FMN2: variants seen among roughly 807,000 people sequenced by gnomAD.
FMN2 encodes the protein formin-2.
FMN2 carries 51 observed loss-of-function variants against 142.3 expected under a neutral mutation model. The ratio of observed to expected loss-of-function variants is 0.36; its 90% CI spans 0.29 to 0.45. FMN2 has a LOEUF of 0.45. Ranked by LOEUF, FMN2 falls within the 20% of genes least tolerant of loss-of-function variation. The pLI is 1.00. For missense variants in FMN2, 1,936 were observed against 2,122.8 expected (o/e 0.91, Z 1.73); for synonymous variants, 882 against 869.8 (o/e 1.01, Z -0.25).
chr1:240,216,241 A>G (rs1029012102), intron 6 of FMN2, among the ~76,000 whole-genome samples: 7 of 152,094 alleles, frequency 4.6e-5, no homozygotes, highest in Non-Finnish European at 8.8e-5. Context: ...ATCCCATGGT[A>G]AAAAAAAGAA....
chr1:240,452,958 G>A (rs1676110571), intron 16 of FMN2, among the ~76,000 whole-genome samples: 1 of 152,126 alleles, frequency 6.6e-6, no homozygotes, highest in Non-Finnish European at 1.5e-5. Context: ...TGTAGCAAGA[G>A]CACGTGCTTG....
chr1:240,468,206 A>ATGTGTGTGTGTGTGTGTG (rs199866888), intron 16 of FMN2, among the ~76,000 whole-genome samples: 2 of 147,876 alleles, frequency 1.4e-5, no homozygotes, highest in African/African-American at 5.0e-5. Context: ...ATATATATAT[A>ATGTGTGTGTGTGTGTGTG]TGTGTGTGTG....
chr1:240,328,630 C>T (rs941358920), intron 8 of FMN2, among the ~76,000 whole-genome samples: 3 of 151,626 alleles, frequency 2.0e-5, no homozygotes, highest in Admixed American at 1.3e-4. Flanking sequence ...TGCTCTGTCA[C>T]CCAGGCTGGA....
intron 7 of FMN2, among the ~76,000 whole-genome samples, chr1:240,280,575 A>G (rs1161444420): frequency 6.6e-6 from 1 of 152,184 alleles, no homozygotes; most frequent in Non-Finnish European, 1.5e-5. Context: ...CCTCTTTTAC[A>G]AGAGCATAAA....
chr1:240,241,201 T>A (rs1667883684), intron 6 of FMN2, among the ~76,000 whole-genome samples: 1 of 151,864 alleles, frequency 6.6e-6, no homozygotes, highest in Non-Finnish European at 1.5e-5. Flanking sequence ...TTGTTTGGAA[T>A]CACTTTGGTG....
At chr1:240,465,052 G>A (rs1476090996) in intron 16 of FMN2, among the ~76,000 whole-genome samples, 1 of 151,994 alleles carries the variant, frequency 6.6e-6, no homozygotes, top group Non-Finnish European at 1.5e-5. Context: ...TATATCTCAG[G>A]GGTTTTGTGG....
At chr1:240,176,465 A>G (rs1195612159) in intron 2 of FMN2, among the ~76,000 whole-genome samples, 1 of 152,222 alleles carries the variant, frequency 6.6e-6, no homozygotes, top group African/African-American at 2.4e-5. Flanking sequence ...TGTTGGCAAC[A>G]GGCAAAGAGA....
At chr1:240,434,367 A>T (rs1675281206) in intron 15 of FMN2, among the ~76,000 whole-genome samples, 1 of 151,898 alleles carries the variant, frequency 6.6e-6, no homozygotes, top group Non-Finnish European at 1.5e-5. Context: ...GATGGAATTT[A>T]CCCCTCCCAC....
chr1:240,339,400 A>G (rs1023498562), intron 13 of FMN2, among the ~76,000 whole-genome samples: 17 of 152,254 alleles, frequency 1.1e-4, no homozygotes, highest in African/African-American at 4.1e-4. Context: ...AGGTATGTGT[A>G]TATAGGAAAA....
chr1:240,180,519 T>A (rs1665103694), intron 3 of FMN2, among the ~76,000 whole-genome samples: 1 of 151,852 alleles, frequency 6.6e-6, no homozygotes, highest in Non-Finnish European at 1.5e-5. Context: ...TGCACATTCT[T>A]CTGTAGTGAC....
At chr1:240,398,985 C>G (rs1261951335) in intron 15 of FMN2, among the ~76,000 whole-genome samples, 1 of 152,020 alleles carries the variant, frequency 6.6e-6, no homozygotes, top group Non-Finnish European at 1.5e-5. Context: ...TTCTCGCTGT[C>G]TCCATGGATT....
chr1:240,364,166 C>G (rs1230462971), intron 14 of FMN2, among the ~76,000 whole-genome samples: 1 of 152,068 alleles, frequency 6.6e-6, no homozygotes. Context: ...TCAGAGGGCT[C>G]ATTGCTTGAC....
intron 6 of FMN2, among the ~76,000 whole-genome samples, chr1:240,242,146 G>A (rs111536908): frequency 7.9e-5 from 12 of 152,144 alleles, no homozygotes; most frequent in African/African-American, 2.9e-4. Flanking sequence ...CGCCCGGCTA[G>A]TGTGCCTTTC....
At chr1:240,188,954 C>T (rs1665591618) in intron 4 of FMN2, among the ~76,000 whole-genome samples, 1 of 152,048 alleles carries the variant, frequency 6.6e-6, no homozygotes, top group Non-Finnish European at 1.5e-5. Context: ...TCTCGTGAGA[C>T]CCATTCACTA....
chr1:240,377,902 AT>A (rs1340740679), intron 14 of FMN2, among the ~76,000 whole-genome samples: 1 of 152,010 alleles, frequency 6.6e-6, no homozygotes, highest in East Asian at 1.9e-4. Flanking sequence ...GTAATATAAC[AT>A]ATTCATAGCT....
chr1:240,187,269 C>CAAAAAAAAAAA (rs10610560), intron 3 of FMN2, among the ~76,000 whole-genome samples: 1 of 83,794 alleles, frequency 1.2e-5, no homozygotes, highest in Non-Finnish European at 2.3e-5. Context: ...AACTCCATCT[C>CAAAAAAAAAAA]AAAAAAAAAA....
chr1:240,274,711 G>A (rs1669134058), intron 7 of FMN2, among the ~76,000 whole-genome samples: 1 of 152,094 alleles, frequency 6.6e-6, no homozygotes, highest in South Asian at 2.1e-4. Flanking sequence ...GATGCTGGCG[G>A]CCAGGACCAG....
At chr1:240,446,526 G>C (rs1181649048) in intron 16 of FMN2, among the ~76,000 whole-genome samples, 19 of 152,138 alleles carry the variant, frequency 1.2e-4, no homozygotes. Context: ...ACTTCCTGGA[G>C]TGAAGATATT....
intron 2 of FMN2, among the ~76,000 whole-genome samples, chr1:240,136,809 A>G (rs2103244314): frequency 6.6e-6 from 1 of 152,270 alleles, no homozygotes; most frequent in South Asian, 2.1e-4. Context: ...GCGGTGGCTC[A>G]CACCTGTAAT....
Sources: allele counts gnomAD v4.1 joint callset (sites outside exome capture counted in the v4.1 genomes callset), GRCh38; gene constraint gnomAD v4.1.1; transcripts MANE v1.5; gene names NCBI Gene and HGNC (gene_info 2026-07-23, HGNC 2026-07-21).